GAS2: variants seen among roughly 807,000 people sequenced by gnomAD.
GAS2 encodes growth arrest specific 2.
Under a neutral mutation model 37.5 loss-of-function variants are expected in GAS2, and 20 were observed. That is an observed-to-expected ratio of 0.53 (90% CI 0.37 to 0.77). GAS2 has a LOEUF of 0.77. Among genes scored for constraint, GAS2 ranks in the 30% least tolerant of loss-of-function variants. The pLI is 0.00. For missense variants in GAS2, 336 were observed against 373.4 expected (o/e 0.90, Z 0.82); for synonymous variants, 144 against 132.2 (o/e 1.09, Z -0.61).
chr11:22,697,055 T>C lies in GAS2; in HGVS notation c.267+11266T>C, dbSNP rs539260864. Among the ~76,000 whole-genome samples, 361 of 152,188 alleles carry C rather than the reference T, an allele frequency of 2.4e-3. 2 individuals carry two copies. The highest frequency in any genetic ancestry group is 8.0e-3 in the African/African-American group (334 of 41,512). On this transcript the variant is annotated intron_variant, in intron 3 of 7. Coordinates refer to ENST00000454584, the MANE Select transcript of GAS2 (RefSeq NM_001143830.3). Reference sequence around the variant, plus strand: ...CTGAATGGTAATGCCTAGGTTTTCTTCTAGGGTTTTTATGGTTTTAGGTCT... The same window carrying C: ...CTGAATGGTAATGCCTAGGTTTTCTCCTAGGGTTTTTATGGTTTTAGGTCT...
At chr11:22,783,567 C>A (rs114446446) in intron 7 of GAS2, among the ~76,000 whole-genome samples, 406 of 152,220 alleles carry the variant, frequency 2.7e-3, no homozygotes, top group African/African-American at 9.3e-3. Flanking sequence ...CCCCACTCCC[C>A]AGGCCAAGTT....
At chr11:22,809,194 G>A (rs1162356447) in intron 7 of GAS2, among the ~76,000 whole-genome samples, 1 of 152,184 alleles carries the variant, frequency 6.6e-6, no homozygotes, top group Non-Finnish European at 1.5e-5. Flanking sequence ...AAGACAATGA[G>A]TATTGCCAGG....
intron 3 of GAS2, among the ~76,000 whole-genome samples, chr11:22,699,190 C>G (rs1197504218): frequency 6.6e-6 from 1 of 152,008 alleles, no homozygotes; most frequent in Non-Finnish European, 1.5e-5. Context: ...ACTCTGGTAC[C>G]AAAGAAATTT....
intron 7 of GAS2, among the ~76,000 whole-genome samples, chr11:22,775,249 T>C (rs1176800899): frequency 6.6e-6 from 1 of 152,168 alleles, no homozygotes; most frequent in South Asian, 2.1e-4. Context: ...ATTGAAAAGG[T>C]ATAAAGTTGG....
chr11:22,629,339 T>C (rs2133802961), intron 1 of GAS2, among the ~76,000 whole-genome samples: 1 of 152,310 alleles, frequency 6.6e-6, no homozygotes, highest in African/African-American at 2.4e-5. Flanking sequence ...TCTATTGTTT[T>C]TTGACTTTTT....
chr11:22,681,730 G>A (rs1849691443), intron 2 of GAS2, among the ~76,000 whole-genome samples: 1 of 152,062 alleles, frequency 6.6e-6, no homozygotes, highest in African/African-American at 2.4e-5. Flanking sequence ...GTGTAACAGA[G>A]ATATTTACCT....
chr11:22,791,764 T>G (rs1440840181), intron 7 of GAS2, among the ~76,000 whole-genome samples: 1 of 152,204 alleles, frequency 6.6e-6, no homozygotes, highest in Non-Finnish European at 1.5e-5. Flanking sequence ...ACACATATAC[T>G]ATAGATAAGG....
Position 22,749,176 on chromosome 11 carries a change from A to G in GAS2, c.530A>G (p.Glu177Gly), listed in dbSNP as rs1214695647. Residue 177 changes from glutamate (E) to glycine (G), a missense_variant, in exon 6 of 8, where the codon GAA becomes GGA. Glu to Gly is a moderately conservative substitution (Grantham distance 98). Transcript: ENST00000454584. ...IKLEKEIEQE[E>G]TLSAPSPSPS... Reference sequence around the variant, plus strand: ...CTGGAAAAAGAGATTGAACAAGAAGAAACACTTTCTGCCCCTTCTCCTTCA... The same window carrying G: ...CTGGAAAAAGAGATTGAACAAGAAGGAACACTTTCTGCCCCTTCTCCTTCA... The G allele has an allele frequency of 6.2e-7, 1 of 1,612,702 alleles. No homozygotes were observed. Among genetic ancestry groups the G allele is most frequent in the Non-Finnish European group, 8.5e-7 (1 of 1,179,212 alleles).
chr11:22,696,424 G>C (rs1850519291), intron 3 of GAS2, among the ~76,000 whole-genome samples: 1 of 151,996 alleles, frequency 6.6e-6, no homozygotes, highest in Non-Finnish European at 1.5e-5. Context: ...TGTCTTTATA[G>C]CAGCATGATT....
intron 4 of GAS2, among the ~76,000 whole-genome samples, chr11:22,733,419 T>A (rs993861807): frequency 1.3e-5 from 2 of 151,806 alleles, no homozygotes; most frequent in African/African-American, 4.8e-5. Flanking sequence ...TTCTTCGACA[T>A]TACCATTAAT....
Position 22,755,842 on chromosome 11 carries a change from TC to T in GAS2, c.616-3del. 6.2e-7 allele frequency: 1 copy of T among 1,609,342 alleles called. No individual in the cohort carries two copies. Reference sequence around the variant, plus strand: ...AAATGAATGTGCCTGCTCTTCTATTTCAGGTGAAACGAATTTCTGAAGATCC... The same window carrying T: ...AAATGAATGTGCCTGCTCTTCTATTTAGGTGAAACGAATTTCTGAAGATCC... On this transcript the variant is annotated splice_polypyrimidine_tract_variant and splice_region_variant and intron_variant, in intron 6 of 7. Coordinates refer to ENST00000454584, the MANE Select transcript of GAS2 (RefSeq NM_001143830.3).
chr11:22,676,889 A>G (rs1849453296), intron 2 of GAS2, among the ~76,000 whole-genome samples: 1 of 152,122 alleles, frequency 6.6e-6, no homozygotes, highest in Non-Finnish European at 1.5e-5. Flanking sequence ...ATAATCTGTA[A>G]AATAAATACC....
chr11:22,712,202 C>G (rs1355236299), intron 3 of GAS2, among the ~76,000 whole-genome samples: 1 of 152,222 alleles, frequency 6.6e-6, no homozygotes, highest in Non-Finnish European at 1.5e-5. Flanking sequence ...GGTCCTGAAT[C>G]TGTCCACATG....
chr11:22,745,410 A>C (rs1028414046), intron 5 of GAS2, among the ~76,000 whole-genome samples: 1 of 152,166 alleles, frequency 6.6e-6, no homozygotes, highest in Non-Finnish European at 1.5e-5. Flanking sequence ...AGTATCCATA[A>C]GCAGAAGAAT....
At position 22,708,392 on chromosome 11, in the gene GAS2, C is replaced by A. The variant is rs369812889; in HGVS notation, c.268-17900C>A. 1.3e-4 allele frequency among the ~76,000 whole-genome samples: 20 copies of A among 152,238 alleles called. No individual in the cohort carries two copies. The South Asian group carries it at 4.1e-3, about 32-fold the overall frequency. On this transcript the variant is annotated intron_variant, in intron 3 of 7. Transcript: ENST00000454584. ...TTTCTTCAGTTTTCTAACAAACATG[C>A]ACTTAAATTTTACCATATGCCAGTC... is the stretch of plus-strand genomic sequence containing the variant.
chr11:22,647,756 T>C (rs895938358), intron 1 of GAS2, among the ~76,000 whole-genome samples: 1 of 152,140 alleles, frequency 6.6e-6, no homozygotes, highest in Non-Finnish European at 1.5e-5. Context: ...CTTCGCCCAC[T>C]TTTTGATGGG....
At chr11:22,675,142 G>T in intron 2 of GAS2, 128 bp downstream of exon 2, 1 of 950,480 alleles carries the variant, frequency 1.1e-6, no homozygotes, top group South Asian at 2.0e-5. Flanking sequence ...TTTGACATTT[G>T]CATCTGGGAA....
intron 7 of GAS2, among the ~76,000 whole-genome samples, chr11:22,790,401 T>C (rs1041652996): frequency 2.0e-5 from 3 of 152,194 alleles, no homozygotes; most frequent in Admixed American, 6.5e-5. Context: ...TACAGAGCCA[T>C]GCTGCTTTAC....
At chr11:22,731,899 C>T (rs1852495887) in intron 4 of GAS2, among the ~76,000 whole-genome samples, 1 of 151,574 alleles carries the variant, frequency 6.6e-6, no homozygotes, top group Non-Finnish European at 1.5e-5. Context: ...TTTTTTAACA[C>T]ATTTTTGTTT....
Sources: allele counts gnomAD v4.1 joint callset (sites outside exome capture counted in the v4.1 genomes callset), GRCh38; gene constraint gnomAD v4.1.1; transcripts MANE v1.5; gene names NCBI Gene and HGNC (gene_info 2026-07-23, HGNC 2026-07-21).